GRID2: variants seen among roughly 807,000 people sequenced by gnomAD.
GRID2 encodes glutamate receptor ionotropic, delta-2.
Under a neutral mutation model 114.8 loss-of-function variants are expected in GRID2, and 33 were observed. The observed-to-expected ratio is 0.29, with a 90% CI of 0.22 to 0.38. The LOEUF is 0.38. Among genes scored for constraint, GRID2 ranks in the 10% least tolerant of loss-of-function variants. GRID2 has a pLI of 1.00. For missense variants in GRID2, 1,184 were observed against 1,257.7 expected (o/e 0.94, Z 0.89); for synonymous variants, 505 against 449.9 (o/e 1.12, Z -1.55).
At chr4:93,200,426 C>G (rs1011622699) in intron 4 of GRID2, among the ~76,000 whole-genome samples, 1 of 151,894 alleles carries the variant, frequency 6.6e-6, no homozygotes, top group East Asian at 1.9e-4. Context: ...ATTAGCCGGG[C>G]GTGGTAGCGG....
intron 2 of GRID2, among the ~76,000 whole-genome samples, chr4:92,989,067 G>A (rs756588083): frequency 6.6e-5 from 10 of 152,002 alleles, no homozygotes; most frequent in East Asian, 3.9e-4. Flanking sequence ...CACGAGGTCC[G>A]GAGATGGAGA....
At chr4:93,119,915 A>G (rs1560899786) in intron 4 of GRID2, among the ~76,000 whole-genome samples, 1 of 152,050 alleles carries the variant, frequency 6.6e-6, no homozygotes, top group Non-Finnish European at 1.5e-5. Context: ...TTTTCTTGTA[A>G]ATTTGGTCAA....
chr4:93,786,757 A>G (rs1445583666), intron 1 of GRID2, among the ~76,000 whole-genome samples: 2 of 152,204 alleles, frequency 1.3e-5, no homozygotes, highest in African/African-American at 4.8e-5. Flanking sequence ...TTGAGGGCTC[A>G]GCTGAGGTTA....
intron 1 of GRID2, among the ~76,000 whole-genome samples, chr4:92,442,741 C>G (rs1309739001): frequency 3.3e-5 from 5 of 151,942 alleles, no homozygotes; most frequent in Non-Finnish European, 4.4e-5. Flanking sequence ...TGCTGGCAAA[C>G]AAGTCATGAA....
intron 2 of GRID2, among the ~76,000 whole-genome samples, chr4:92,956,777 G>A (rs979442259): frequency 6.6e-6 from 1 of 152,204 alleles, no homozygotes; most frequent in Admixed American, 6.5e-5. Flanking sequence ...CAGTGGTAAT[G>A]AATGAAAGTT....
At chr4:92,743,950 G>A (rs112314341) in intron 2 of GRID2, among the ~76,000 whole-genome samples, 241 of 152,208 alleles carry the variant, frequency 1.6e-3, no homozygotes, top group African/African-American at 5.6e-3. Flanking sequence ...CTATTTGACC[G>A]CTTGATATGA....
intron 2 of GRID2, among the ~76,000 whole-genome samples, chr4:92,889,466 G>A (rs113472276): frequency 0.018 from 2,775 of 152,044 alleles, 39 homozygotes; most frequent in East Asian, 0.052. Context: ...AGGCATTCCT[G>A]TACACCAATA....
chr4:93,403,650 G>C (rs1211706802), intron 9 of GRID2, among the ~76,000 whole-genome samples: 25 of 152,040 alleles, frequency 1.6e-4, no homozygotes, highest in Non-Finnish European at 3.5e-4. Flanking sequence ...TTCCATCAAG[G>C]AAATGCAAAT....
At chr4:92,377,027 A>G (rs538261251) in intron 1 of GRID2, among the ~76,000 whole-genome samples, 3 of 152,290 alleles carry the variant, frequency 2.0e-5, no homozygotes, top group Non-Finnish European at 4.4e-5. Flanking sequence ...TTGGGGATTA[A>G]CATTTGGCTG....
intron 1 of GRID2, among the ~76,000 whole-genome samples, chr4:92,386,009 A>G (rs1420939691): frequency 6.6e-6 from 1 of 150,974 alleles, no homozygotes; most frequent in Non-Finnish European, 1.5e-5. Context: ...TCTCCTCACC[A>G]CAGATAATGA....
intron 2 of GRID2, among the ~76,000 whole-genome samples, chr4:92,925,931 G>C (rs879859600): frequency 1.3e-5 from 2 of 151,924 alleles, no homozygotes; most frequent in African/African-American, 2.4e-5. Context: ...TAATTAAAAA[G>C]TTCCCATCAT....
At chr4:92,432,550 C>T (rs911382383) in intron 1 of GRID2, among the ~76,000 whole-genome samples, 2 of 152,120 alleles carry the variant, frequency 1.3e-5, no homozygotes, top group Admixed American at 6.6e-5. Flanking sequence ...TGGGGTACTA[C>T]TTGGCTACTG....
intron 1 of GRID2, among the ~76,000 whole-genome samples, chr4:92,537,058 C>T (rs1180526161): frequency 6.6e-6 from 1 of 152,148 alleles, no homozygotes; most frequent in African/African-American, 2.4e-5. Flanking sequence ...ATCCAATAGG[C>T]TTAACCAAGC....
intron 1 of GRID2, among the ~76,000 whole-genome samples, chr4:92,557,645 T>TTTTATATA (rs1553949920): frequency 7.0e-6 from 1 of 142,680 alleles, no homozygotes; most frequent in Non-Finnish European, 1.5e-5. Context: ...ATATATATGG[T>TTTTATATA]TATATATATA....
intron 2 of GRID2, among the ~76,000 whole-genome samples, chr4:92,689,588 G>A (rs1383933535): frequency 5.3e-5 from 8 of 152,218 alleles, no homozygotes; most frequent in Non-Finnish European, 1.2e-4. Context: ...ATGCAAAGGA[G>A]CTAGGTTAAG....
chr4:93,646,299 T>C (rs1485922982), intron 14 of GRID2, among the ~76,000 whole-genome samples: 1 of 152,088 alleles, frequency 6.6e-6, no homozygotes, highest in African/African-American at 2.4e-5. Context: ...GGAGGGAACA[T>C]TTTATTACAA....
At chr4:92,781,571 G>T (rs918169765) in intron 2 of GRID2, among the ~76,000 whole-genome samples, 9 of 151,954 alleles carry the variant, frequency 5.9e-5, no homozygotes, top group African/African-American at 2.2e-4. Context: ...TCCGTGTTAT[G>T]ATTTTTTAAA....
intron 8 of GRID2, among the ~76,000 whole-genome samples, chr4:93,315,751 C>A (rs1756512258): frequency 6.6e-6 from 1 of 152,102 alleles, no homozygotes; most frequent in African/African-American, 2.4e-5. Flanking sequence ...CCCTGAAATG[C>A]ACTAGTTACA....
chr4:93,414,778 G>A (rs1767546882), intron 9 of GRID2, among the ~76,000 whole-genome samples: 1 of 150,624 alleles, frequency 6.6e-6, no homozygotes, highest in Admixed American at 6.6e-5. Context: ...TTCGTTTGTT[G>A]TTTGTTTTGT....
Sources: allele counts gnomAD v4.1 joint callset (sites outside exome capture counted in the v4.1 genomes callset), GRCh38; gene constraint gnomAD v4.1.1; transcripts MANE v1.5; gene names NCBI Gene and HGNC (gene_info 2026-07-23, HGNC 2026-07-21).